DMD: variants seen among roughly 807,000 people sequenced by gnomAD.
DMD encodes dystrophin.
DMD carries 63 observed loss-of-function variants against 330.1 expected under a neutral mutation model. The observed-to-expected ratio is 0.19, with a 90% CI of 0.16 to 0.24. The LOEUF (loss-of-function observed/expected upper bound fraction) is 0.24, where lower values mean the gene tolerates loss of function less well. Ranked by LOEUF, DMD falls within the 10% of genes least tolerant of loss-of-function variation. The probability of loss-of-function intolerance (pLI) is 1.00; values close to 1 mark genes in which losing one functional copy is unlikely to be tolerated. For missense variants in DMD, 3,344 were observed against 2,684.1 expected (o/e 1.25, Z -5.43); for synonymous variants, 1,223 against 959.8 (o/e 1.27, Z -5.07).
intron 44 of DMD, among the ~76,000 whole-genome samples, chrX:32,038,415 G>T (rs746600616): frequency 3.6e-5 from 4 of 111,613 alleles, no homozygotes; most frequent in African/African-American, 9.8e-5. Context: ...TGGCGGGTGG[G>T]AAATGGTACC....
At chrX:31,920,812 T>A (rs2149928841) in intron 47 of DMD, among the ~76,000 whole-genome samples, 1 of 112,357 alleles carries the variant, frequency 8.9e-6, no homozygotes, top group South Asian at 3.7e-4. Context: ...AAATAAAATC[T>A]AGGGCACAGC....
intron 60 of DMD, among the ~76,000 whole-genome samples, chrX:31,418,626 A>C (rs1362898919): frequency 8.9e-6 from 1 of 112,343 alleles, no homozygotes; most frequent in Admixed American, 9.4e-5. Flanking sequence ...CCAATGCTTT[A>C]TAGGTTAGGA....
At chrX:32,623,725 C>T (rs1042034856) in intron 11 of DMD, among the ~76,000 whole-genome samples, 5 of 110,133 alleles carry the variant, frequency 4.5e-5, no homozygotes, top group Admixed American at 1.9e-4. Context: ...TGTGGTCTCC[C>T]TATGTTGCCC....
In DMD at chrX:32,884,892, A is replaced by G. The variant is rs530913636; in HGVS notation, c.94-35072T>C. 1.3e-4 allele frequency among the ~76,000 whole-genome samples: 15 copies of G among 111,867 alleles called. No individual in the cohort carries two copies. In the South Asian group the frequency reaches 5.6e-3, roughly 42 times the overall value. ...TGTTAACTTTATCTCCAGCTTAATG[A>G]CAAGCACAAATTCTTGTAGTTCTTA... is the stretch of plus-strand genomic sequence containing the variant. On this transcript the variant is annotated intron_variant, in intron 2 of 78. Transcript: ENST00000357033.
At chrX:32,390,750 T>A (rs1009504808) in intron 30 of DMD, among the ~76,000 whole-genome samples, 1 of 111,372 alleles carries the variant, frequency 9.0e-6, no homozygotes, top group African/African-American at 3.3e-5. Flanking sequence ...AAACTCCTGG[T>A]CTTAAGCAAT....
At chrX:31,815,704 A>C (rs891479301) in intron 50 of DMD, among the ~76,000 whole-genome samples, 1 of 111,663 alleles carries the variant, frequency 9.0e-6, no homozygotes, top group Admixed American at 9.5e-5. Flanking sequence ...CCCCTTTGAT[A>C]TGCGATGTGG....
At chrX:32,158,104 T>C (rs398124016) in intron 44 of DMD, among the ~76,000 whole-genome samples, 1 of 111,927 alleles carries the variant, frequency 8.9e-6, no homozygotes, top group Non-Finnish European at 1.9e-5. Context: ...TTGGCTCAAC[T>C]ACCTGTAAGC....
At chrX:32,582,967 CTTCA>C (rs2053820753) in intron 13 of DMD, among the ~76,000 whole-genome samples, 1 of 111,604 alleles carries the variant, frequency 9.0e-6, no homozygotes. Context: ...AGGAGCCTAA[CTTCA>C]TTAAGTGCCA....
intron 55 of DMD, among the ~76,000 whole-genome samples, chrX:31,511,209 G>A (rs1464893435): frequency 1.1e-5 from 1 of 91,085 alleles, no homozygotes; most frequent in Admixed American, 1.3e-4. Flanking sequence ...TGGGAATGCA[G>A]GGCAGGCTGC....
chrX:31,331,160 C>G (rs2148359054), intron 61 of DMD, among the ~76,000 whole-genome samples: 1 of 111,594 alleles, frequency 9.0e-6, no homozygotes, highest in East Asian at 2.8e-4. Flanking sequence ...TAACGAATAA[C>G]AACCTGTAAA....
intron 59 of DMD, among the ~76,000 whole-genome samples, chrX:31,466,504 C>G (rs1243778715): frequency 2.7e-5 from 3 of 111,392 alleles, no homozygotes; most frequent in African/African-American, 9.8e-5. Context: ...TCTGAGGCCT[C>G]TGTTCCATTG....
intron 55 of DMD, among the ~76,000 whole-genome samples, chrX:31,607,206 C>T (rs1056561519): frequency 5.4e-5 from 6 of 111,835 alleles, no homozygotes; most frequent in African/African-American, 1.9e-4. Context: ...GGTGGATATG[C>T]AGATTCACAT....
At chrX:32,110,242 C>T (rs180841363) in intron 44 of DMD, among the ~76,000 whole-genome samples, 30 of 111,790 alleles carry the variant, frequency 2.7e-4, no homozygotes, top group Non-Finnish European at 4.9e-4. Flanking sequence ...TTCTGCAACA[C>T]GTTGCAGAGT....
intron 63 of DMD, among the ~76,000 whole-genome samples, chrX:31,242,262 CAAAAAAAAAAAAAAAA>C (rs72176984): frequency 8.1e-5 from 2 of 24,643 alleles, no homozygotes; most frequent in Non-Finnish European, 1.5e-4. Flanking sequence ...TCTCAAAAAG[CAAAAAAAAAAAAAAAA>C]AAAAAAAAAA....
intron 1 of DMD, among the ~76,000 whole-genome samples, chrX:33,024,472 C>T (rs773606620): frequency 1.5e-4 from 17 of 111,804 alleles, no homozygotes; most frequent in African/African-American, 3.2e-4. Flanking sequence ...AACTGACCAA[C>T]GTTTTATTTT....
intron 11 of DMD, among the ~76,000 whole-genome samples, chrX:32,624,666 C>G: frequency 9.0e-6 from 1 of 111,500 alleles, no homozygotes; most frequent in Non-Finnish European, 1.9e-5. Context: ...ATCAATGCTT[C>G]GGATCCATTA....
chrX:31,305,013 T>C (rs2054921953), intron 62 of DMD, among the ~76,000 whole-genome samples: 1 of 112,028 alleles, frequency 8.9e-6, no homozygotes, highest in East Asian at 2.8e-4. Flanking sequence ...AGATTAAATG[T>C]TTTCCTGTTG....
intron 62 of DMD, among the ~76,000 whole-genome samples, chrX:31,316,571 C>T: frequency 9.0e-6 from 1 of 111,356 alleles, no homozygotes; most frequent in African/African-American, 3.3e-5. Context: ...AAAACCAAAA[C>T]CAGACTCAGC....
intron 7 of DMD, among the ~76,000 whole-genome samples, chrX:32,799,609 T>C (rs2148678145): frequency 9.2e-6 from 1 of 109,008 alleles, no homozygotes; most frequent in Admixed American, 9.9e-5. Flanking sequence ...TTTTTTTTTT[T>C]TGGACTGGCA....
Sources: allele counts gnomAD v4.1 joint callset (sites outside exome capture counted in the v4.1 genomes callset), GRCh38; gene constraint gnomAD v4.1.1; transcripts MANE v1.5; gene names NCBI Gene and HGNC (gene_info 2026-07-23, HGNC 2026-07-21).